CNBD1: variants seen among roughly 807,000 people sequenced by gnomAD.
CNBD1 encodes cyclic nucleotide-binding domain-containing protein 1.
A neutral mutation model predicts 54.4 loss-of-function variants in CNBD1; 71 were observed. The ratio of observed to expected loss-of-function variants is 1.30; its 90% CI spans 1.08 to 1.59. The LOEUF (loss-of-function observed/expected upper bound fraction) is 1.59. Among genes scored for constraint, CNBD1 ranks in the 40% most tolerant of loss-of-function variants. The pLI, the probability that CNBD1 is intolerant of heterozygous loss-of-function variation, is 0.00. For synonymous variants in CNBD1, 182 were observed against 170.7 expected, an observed-to-expected ratio of 1.07 and a Z score of -0.51; for missense variants, 659 against 518.0, an observed-to-expected ratio of 1.27 and a Z score of -2.64.
At chr8:87,376,875 GA>G (rs1466083033) in intron 10 of CNBD1, among the ~76,000 whole-genome samples, 1 of 151,698 alleles carries the variant, frequency 6.6e-6, no homozygotes, top group Non-Finnish European at 1.5e-5. Context: ...TTATTTTATA[GA>G]TTAAAAATCA....
chr8:87,423,183 G>A (rs536650770), intron 2 of CNBD1, among the ~76,000 whole-genome samples: 77 of 152,200 alleles, frequency 5.1e-4, no homozygotes, highest in South Asian at 4.8e-3. Context: ...GGGCTGAGAC[G>A]ATGGGGTTTT....
At chr8:87,294,811 A>AT (rs995916882) in intron 8 of CNBD1, among the ~76,000 whole-genome samples, 7 of 152,062 alleles carry the variant, frequency 4.6e-5, no homozygotes, top group African/African-American at 9.6e-5. Flanking sequence ...TGTAATATAT[A>AT]TTTTTTTACT....
intron 6 of CNBD1, among the ~76,000 whole-genome samples, chr8:87,256,004 TATATATATATA>T (rs1481277858): frequency 1.4e-3 from 27 of 19,148 alleles, no homozygotes; most frequent in African/African-American, 5.7e-3. Context: ...TATATATATA[TATATATATATA>T]TTTTTTTTTT....
chr8:87,280,803 G>A (rs1318852496), intron 6 of CNBD1, among the ~76,000 whole-genome samples: 1 of 151,150 alleles, frequency 6.6e-6, no homozygotes, highest in Non-Finnish European at 1.5e-5. Flanking sequence ...TATTATAGAA[G>A]TTGAAAAAAA....
chr8:87,098,638 A>G (rs1811363291), intron 4 of CNBD1, among the ~76,000 whole-genome samples: 1 of 152,124 alleles, frequency 6.6e-6, no homozygotes, highest in African/African-American at 2.4e-5. Context: ...GATCAAACAG[A>G]AGCCACATAG....
At chr8:87,170,734 T>C (rs1381903196) in intron 4 of CNBD1, among the ~76,000 whole-genome samples, 1 of 152,196 alleles carries the variant, frequency 6.6e-6, no homozygotes, top group Non-Finnish European at 1.5e-5. Flanking sequence ...GGATGTTGAA[T>C]TTTATCAAAT....
At chr8:86,889,229 T>C (rs1225854259) in intron 2 of CNBD1, among the ~76,000 whole-genome samples, 1 of 152,056 alleles carries the variant, frequency 6.6e-6, no homozygotes, top group Non-Finnish European at 1.5e-5. Context: ...AAATACAAAA[T>C]CAGATAGGAA....
chr8:87,370,259 G>C (rs1407678797), intron 10 of CNBD1, among the ~76,000 whole-genome samples: 2 of 151,976 alleles, frequency 1.3e-5, no homozygotes, highest in Non-Finnish European at 1.5e-5. Context: ...GGGATGGCTG[G>C]GTCAAATGGT....
chr8:87,327,425 A>G (rs1466324766), intron 8 of CNBD1, among the ~76,000 whole-genome samples: 2 of 151,978 alleles, frequency 1.3e-5, no homozygotes, highest in Non-Finnish European at 2.9e-5. Context: ...TTGCAGTTTG[A>G]TCTCAGACTG....
At chr8:87,173,363 ACTATTG>A in intron 4 of CNBD1, among the ~76,000 whole-genome samples, 1 of 152,246 alleles carries the variant, frequency 6.6e-6, no homozygotes, top group Admixed American at 6.5e-5. Flanking sequence ...CTGTGTACTT[ACTATTG>A]CCAATGAGTT....
At chr8:86,960,251 A>AG (rs916940025) in intron 4 of CNBD1, among the ~76,000 whole-genome samples, 5 of 152,210 alleles carry the variant, frequency 3.3e-5, no homozygotes, top group Non-Finnish European at 5.9e-5. Context: ...AAGCCATGAC[A>AG]GATAGTACCT....
chr8:87,067,258 C>T (rs777240029), intron 4 of CNBD1, among the ~76,000 whole-genome samples: 1 of 151,798 alleles, frequency 6.6e-6, no homozygotes, highest in Non-Finnish European at 1.5e-5. Flanking sequence ...AGCAAATAAA[C>T]TTGGAAAAAA....
intron 4 of CNBD1, among the ~76,000 whole-genome samples, chr8:87,019,803 A>C (rs1045970233): frequency 1.1e-4 from 16 of 152,120 alleles, no homozygotes; most frequent in African/African-American, 3.4e-4. Flanking sequence ...GCTTGAACCC[A>C]GGAGGCAGAG....
At chr8:87,303,724 T>C (rs1425156858) in intron 8 of CNBD1, among the ~76,000 whole-genome samples, 4 of 146,980 alleles carry the variant, frequency 2.7e-5, no homozygotes. Context: ...AGAAAATTTT[T>C]GCAATCTACT....
At chr8:87,343,870 AT>A (rs146637489) in intron 8 of CNBD1, among the ~76,000 whole-genome samples, 5 of 152,090 alleles carry the variant, frequency 3.3e-5, no homozygotes, top group East Asian at 1.9e-4. Context: ...TATTTACCTG[AT>A]TTTTTTCCTA....
intron 4 of CNBD1, among the ~76,000 whole-genome samples, chr8:87,115,117 A>G (rs1811742129): frequency 6.6e-6 from 1 of 152,214 alleles, no homozygotes; most frequent in African/African-American, 2.4e-5. Flanking sequence ...ATGATATGCA[A>G]CAGCTAATAT....
chr8:86,880,103 C>T (rs746404033), intron 1 of CNBD1, among the ~76,000 whole-genome samples: 9 of 151,912 alleles, frequency 5.9e-5, no homozygotes, highest in Non-Finnish European at 1.3e-4. Flanking sequence ...ATTAGTTAGG[C>T]CATTATTGTA....
chr8:87,321,798 TTTTTC>T (rs1165306827), intron 8 of CNBD1, among the ~76,000 whole-genome samples: 2 of 150,856 alleles, frequency 1.3e-5, no homozygotes, highest in Admixed American at 6.6e-5. Flanking sequence ...TTTCTTTTTC[TTTTTC>T]TTTTTTTTTT....
At chr8:87,186,905 G>A (rs1474898834) in intron 4 of CNBD1, among the ~76,000 whole-genome samples, 1 of 152,030 alleles carries the variant, frequency 6.6e-6, no homozygotes, top group East Asian at 1.9e-4. Flanking sequence ...TAGCTGATCT[G>A]TCGTAGCATT....
Sources: gnomAD v4.1 joint callset for allele counts (sites outside exome capture counted in the v4.1 genomes callset) on GRCh38, gnomAD v4.1.1 for gene constraint, MANE v1.5 for transcripts, NCBI Gene and HGNC (gene_info 2026-07-23, HGNC 2026-07-21) for gene names.